CNTNAP2: variants seen among roughly 807,000 people sequenced by gnomAD.
CNTNAP2 encodes contactin-associated protein-like 2.
A neutral mutation model predicts 155.2 loss-of-function variants in CNTNAP2; 98 were observed. That is an observed-to-expected ratio of 0.63 (90% confidence interval 0.54 to 0.75). The LOEUF is 0.75. Among genes scored for constraint, CNTNAP2 ranks in the 30% least tolerant of loss-of-function variants. The pLI, the probability that CNTNAP2 is intolerant of heterozygous loss-of-function variation, is 0.00. For synonymous variants in CNTNAP2, 651 were observed against 631.2 expected (o/e 1.03, Z -0.47); for missense variants, 1,727 against 1,688.1 (o/e 1.02, Z -0.40).
chr7:148,070,827 T>C (rs1803367238), intron 15 of CNTNAP2, among the ~76,000 whole-genome samples: 1 of 152,204 alleles, frequency 6.6e-6, no homozygotes, highest in Admixed American at 6.5e-5. Flanking sequence ...AGTGGTAAAC[T>C]TTGTTATATG....
At chr7:147,911,214 T>C (rs1800060173) in intron 14 of CNTNAP2, among the ~76,000 whole-genome samples, 1 of 152,174 alleles carries the variant, frequency 6.6e-6, no homozygotes, top group Non-Finnish European at 1.5e-5. Context: ...AGCCTGAGGA[T>C]AGCCACCAGG....
chr7:148,286,385 G>T (rs1185377654), intron 21 of CNTNAP2, among the ~76,000 whole-genome samples: 1 of 152,108 alleles, frequency 6.6e-6, no homozygotes, highest in African/African-American at 2.4e-5. Flanking sequence ...TGGCAGCCTG[G>T]GCTCCCTATA....
At chr7:147,397,420 T>C (rs968550171) in intron 10 of CNTNAP2, among the ~76,000 whole-genome samples, 1 of 152,082 alleles carries the variant, frequency 6.6e-6, no homozygotes, top group African/African-American at 2.4e-5. Context: ...ATGGAGTTTT[T>C]TAGTATCTAC....
intron 13 of CNTNAP2, among the ~76,000 whole-genome samples, chr7:147,644,360 C>T (rs566498460): frequency 2.6e-5 from 4 of 152,290 alleles, no homozygotes; most frequent in South Asian, 2.1e-4. Flanking sequence ...GTGGTTCAGG[C>T]CTGTAATCCC....
chr7:147,391,658 C>T (rs1394885336), intron 9 of CNTNAP2, among the ~76,000 whole-genome samples: 1 of 151,988 alleles, frequency 6.6e-6, no homozygotes, highest in African/African-American at 2.4e-5. Context: ...ATTAGAATCC[C>T]TATTGTTTAA....
intron 12 of CNTNAP2, among the ~76,000 whole-genome samples, chr7:147,596,898 T>A (rs1800835672): frequency 6.6e-6 from 1 of 152,182 alleles, no homozygotes; most frequent in Admixed American, 6.5e-5. Context: ...CTAGTCGTCT[T>A]CATTGCTACG....
intron 8 of CNTNAP2, among the ~76,000 whole-genome samples, chr7:147,158,744 C>G (rs767197386): frequency 1.8e-4 from 27 of 151,992 alleles, no homozygotes; most frequent in Non-Finnish European, 2.9e-4. Context: ...TTTTCCCTTC[C>G]TATATGTGCC....
At chr7:147,291,710 G>A (rs1433265067) in intron 8 of CNTNAP2, among the ~76,000 whole-genome samples, 1 of 152,090 alleles carries the variant, frequency 6.6e-6, no homozygotes, top group Non-Finnish European at 1.5e-5. Context: ...ATTAAAAATT[G>A]TCCAGAGTTT....
At chr7:146,373,011 TAAG>T (rs1434023773) in intron 1 of CNTNAP2, among the ~76,000 whole-genome samples, 1 of 152,040 alleles carries the variant, frequency 6.6e-6, no homozygotes, top group Non-Finnish European at 1.5e-5. Flanking sequence ...CATGTGATAA[TAAG>T]AAGGGTGAAA....
intron 4 of CNTNAP2, among the ~76,000 whole-genome samples, chr7:147,074,898 T>G (rs1388981852): frequency 6.6e-6 from 1 of 152,182 alleles, no homozygotes; most frequent in Non-Finnish European, 1.5e-5. Flanking sequence ...AATGGTGTTT[T>G]GCTCCTTCTG....
intron 3 of CNTNAP2, among the ~76,000 whole-genome samples, chr7:146,882,807 C>A (rs190318061): frequency 6.6e-6 from 1 of 152,036 alleles, no homozygotes; most frequent in African/African-American, 2.4e-5. Flanking sequence ...ATCAAGAATG[C>A]GATACCTTTT....
intron 1 of CNTNAP2, among the ~76,000 whole-genome samples, chr7:146,547,339 GATTTT>G (rs1455489111): frequency 1.3e-5 from 2 of 151,230 alleles, no homozygotes; most frequent in Non-Finnish European, 3.0e-5. Context: ...TTTATTTTTT[GATTTT>G]ATTTTATTGT....
intron 13 of CNTNAP2, among the ~76,000 whole-genome samples, chr7:147,791,453 CTT>C (rs35344971): frequency 7.5e-4 from 92 of 123,392 alleles, no homozygotes; most frequent in Admixed American, 1.0e-3. Flanking sequence ...CTCTCTCTCT[CTT>C]TTTTTTTTTT....
intron 1 of CNTNAP2, among the ~76,000 whole-genome samples, chr7:146,588,141 C>T (rs1798725209): frequency 6.6e-6 from 1 of 151,998 alleles, no homozygotes; most frequent in African/African-American, 2.4e-5. Context: ...ATACTCTCTC[C>T]CACCTTCAGA....
intron 15 of CNTNAP2, among the ~76,000 whole-genome samples, chr7:148,048,197 T>C (rs1052769123): frequency 7.9e-5 from 12 of 151,914 alleles, no homozygotes; most frequent in Non-Finnish European, 1.3e-4. Flanking sequence ...GTGCTGGGAT[T>C]ACAGGCGTGA....
intron 1 of CNTNAP2, among the ~76,000 whole-genome samples, chr7:146,389,850 C>T (rs1264560973): frequency 6.6e-6 from 1 of 151,576 alleles, no homozygotes; most frequent in African/African-American, 2.4e-5. Context: ...TACAGGTCCC[C>T]ACTACCACGC....
intron 10 of CNTNAP2, among the ~76,000 whole-genome samples, chr7:147,477,250 T>C (rs980464692): frequency 3.3e-5 from 5 of 152,170 alleles, no homozygotes; most frequent in Non-Finnish European, 2.9e-5. Flanking sequence ...TTTAAGAGTT[T>C]CTATCAAAAC....
intron 3 of CNTNAP2, among the ~76,000 whole-genome samples, chr7:146,912,619 T>C (rs1796306667): frequency 6.6e-6 from 1 of 152,148 alleles, no homozygotes; most frequent in Non-Finnish European, 1.5e-5. Context: ...ATATCCCCTT[T>C]AAACCTCAAG....
At chr7:147,228,732 G>A (rs984142222) in intron 8 of CNTNAP2, among the ~76,000 whole-genome samples, 2 of 151,870 alleles carry the variant, frequency 1.3e-5, no homozygotes, top group African/African-American at 2.4e-5. Context: ...AGGTATACAC[G>A]TGCCATGGTG....
Sources: gnomAD v4.1 joint callset for allele counts (sites outside exome capture counted in the v4.1 genomes callset) on GRCh38, gnomAD v4.1.1 for gene constraint, MANE v1.5 for transcripts, NCBI Gene and HGNC (gene_info 2026-07-23, HGNC 2026-07-21) for gene names.